The following PTPRN2 variants were observed in gnomAD, a reference collection of about 807,000 sequenced individuals.
PTPRN2 encodes receptor-type tyrosine-protein phosphatase N2.
PTPRN2 carries 74 observed loss-of-function variants against 118.8 expected under a neutral mutation model. That is an observed-to-expected ratio of 0.62 (90% CI 0.52 to 0.76). The LOEUF (loss-of-function observed/expected upper bound fraction) is 0.76. Among genes scored for constraint, PTPRN2 ranks in the 30% least tolerant of loss-of-function variants. The probability of loss-of-function intolerance (pLI) is 0.00; values close to 1 mark genes in which losing one functional copy is unlikely to be tolerated. For synonymous variants in PTPRN2, 641 were observed against 608.0 expected (o/e 1.05, Z -0.80); for missense variants, 1,481 against 1,394.4 (o/e 1.06, Z -0.99).
intron 2 of PTPRN2, among the ~76,000 whole-genome samples, chr7:158,411,339 C>T (rs966602698): frequency 6.6e-6 from 1 of 152,126 alleles, no homozygotes; most frequent in Non-Finnish European, 1.5e-5. Flanking sequence ...AGTCGCTTCC[C>T]GTGATGAAGT....
intron 1 of PTPRN2, among the ~76,000 whole-genome samples, chr7:158,504,189 CTTTAA>C (rs1822578033): frequency 1.3e-5 from 2 of 152,044 alleles, no homozygotes; most frequent in African/African-American, 2.4e-5. Context: ...GTACACACAC[CTTTAA>C]TTTTTGTCCA....
intron 12 of PTPRN2, among the ~76,000 whole-genome samples, chr7:157,806,801 C>G (rs4716781): frequency 0.8 from 122,325 of 152,252 alleles, 50,056 homozygotes; most frequent in East Asian, 1. Flanking sequence ...AGGCAGACCA[C>G]GGCCCGGTGG....
At chr7:158,072,541 T>G (rs556695706) in intron 11 of PTPRN2, among the ~76,000 whole-genome samples, 2 of 152,258 alleles carry the variant, frequency 1.3e-5, no homozygotes, top group South Asian at 4.2e-4. Flanking sequence ...CTGAATAGCC[T>G]CATGCTGGTC....
chr7:157,769,754 C>T (rs570823924), intron 12 of PTPRN2, among the ~76,000 whole-genome samples: 1 of 152,322 alleles, frequency 6.6e-6, no homozygotes, highest in South Asian at 2.1e-4. Context: ...GCGTTCCTGC[C>T]TCCCACTCCA....
chr7:158,477,366 C>T (rs1586762170), intron 2 of PTPRN2, among the ~76,000 whole-genome samples: 1 of 152,228 alleles, frequency 6.6e-6, no homozygotes, highest in Non-Finnish European at 1.5e-5. Flanking sequence ...ACACAGCAAA[C>T]AGGAAATGTC....
intron 2 of PTPRN2, among the ~76,000 whole-genome samples, chr7:158,487,675 C>T (rs1363150680): frequency 6.6e-6 from 1 of 152,100 alleles, no homozygotes; most frequent in Non-Finnish European, 1.5e-5. Context: ...CGCAGCCGCC[C>T]CCCACCGCAC....
At chr7:157,890,869 C>G (rs915492574) in intron 12 of PTPRN2, among the ~76,000 whole-genome samples, 2 of 152,214 alleles carry the variant, frequency 1.3e-5, no homozygotes, top group Admixed American at 1.3e-4. Flanking sequence ...AGCCAAGAGC[C>G]TCATCCATCC....
At chr7:157,745,434 G>A (rs555890862) in intron 12 of PTPRN2, among the ~76,000 whole-genome samples, 1 of 151,884 alleles carries the variant, frequency 6.6e-6, no homozygotes, top group African/African-American at 2.4e-5. Context: ...GAGGCAGGTT[G>A]GGGGAGAGGA....
intron 3 of PTPRN2, among the ~76,000 whole-genome samples, chr7:158,295,651 C>T (rs915424550): frequency 8.6e-5 from 13 of 151,514 alleles, no homozygotes; most frequent in Non-Finnish European, 1.5e-4. Context: ...CCCATGGGGC[C>T]CGCTGACCCT....
intron 2 of PTPRN2, among the ~76,000 whole-genome samples, chr7:158,365,560 C>T (rs764901288): frequency 1.3e-5 from 2 of 152,190 alleles, no homozygotes; most frequent in Non-Finnish European, 2.9e-5. Context: ...TGTTGAAGCC[C>T]GTTAGAACTG....
intron 3 of PTPRN2, among the ~76,000 whole-genome samples, chr7:158,312,267 CTCACATGT>C (rs1269065776): frequency 2.3e-5 from 1 of 43,568 alleles, no homozygotes; most frequent in Non-Finnish European, 6.3e-5. Flanking sequence ...CACTCACGTG[CTCACATGT>C]AGACACGCAC....
intron 12 of PTPRN2, among the ~76,000 whole-genome samples, chr7:157,783,574 G>A (rs563626705): frequency 1.3e-5 from 2 of 149,940 alleles, no homozygotes; most frequent in African/African-American, 4.9e-5. Flanking sequence ...AGGGGCCAGC[G>A]GAGTCCATAC....
At chr7:158,193,207 T>A (rs1825921163) in intron 4 of PTPRN2, among the ~76,000 whole-genome samples, 1 of 152,054 alleles carries the variant, frequency 6.6e-6, no homozygotes, top group Non-Finnish European at 1.5e-5. Flanking sequence ...GCGGCAGGGG[T>A]AGGGCCAGCG....
At chr7:158,102,447 G>A (rs1369091635) in intron 10 of PTPRN2, among the ~76,000 whole-genome samples, 1 of 152,148 alleles carries the variant, frequency 6.6e-6, no homozygotes, top group African/African-American at 2.4e-5. Flanking sequence ...GCTCATGGAG[G>A]CACCTCTCAT....
intron 12 of PTPRN2, among the ~76,000 whole-genome samples, chr7:157,850,384 TG>T (rs1809184691): frequency 6.6e-6 from 1 of 151,236 alleles, no homozygotes; most frequent in Admixed American, 6.6e-5. Flanking sequence ...ATTTCCGACG[TG>T]GGGTGCCTCA....
At chr7:157,567,125 A>G (rs1019357477) in intron 21 of PTPRN2, among the ~76,000 whole-genome samples, 5 of 152,242 alleles carry the variant, frequency 3.3e-5, no homozygotes, top group Non-Finnish European at 5.9e-5. Flanking sequence ...GATGGCTCTG[A>G]GCTCCAATAG....
intron 12 of PTPRN2, among the ~76,000 whole-genome samples, chr7:157,811,332 T>TATATATATATATATATA (rs1806024856): frequency 7.6e-6 from 1 of 131,296 alleles, no homozygotes; most frequent in African/African-American, 2.8e-5. Flanking sequence ...ATCTACTCTA[T>TATATATATATATATATA]TATATATATA....
At chr7:158,071,295 C>CCCG (rs1227232077) in intron 11 of PTPRN2, among the ~76,000 whole-genome samples, 1 of 85,006 alleles carries the variant, frequency 1.2e-5, no homozygotes, top group Non-Finnish European at 2.2e-5. Flanking sequence ...GGTGGAGGTG[C>CCCG]TCGTGGTGGA....
intron 2 of PTPRN2, among the ~76,000 whole-genome samples, chr7:158,351,676 G>C (rs376420012): frequency 6.6e-6 from 1 of 152,108 alleles, no homozygotes; most frequent in African/African-American, 2.4e-5. Flanking sequence ...GTGAACACCT[G>C]CCCTGGCATG....
Sources: allele counts gnomAD v4.1 joint callset (sites outside exome capture counted in the v4.1 genomes callset), GRCh38; gene constraint gnomAD v4.1.1; transcripts MANE v1.5; gene names NCBI Gene and HGNC (gene_info 2026-07-23, HGNC 2026-07-21).